The following ADAMTS6 variants were observed in gnomAD, a reference collection of about 807,000 sequenced individuals.
The protein encoded by ADAMTS6 is A disintegrin and metalloproteinase with thrombospondin motifs 6.
A neutral mutation model predicts 144.3 loss-of-function variants in ADAMTS6; 23 were observed. That is an observed-to-expected ratio of 0.16 (90% confidence interval 0.11 to 0.23). The LOEUF is 0.23. Among genes scored for constraint, ADAMTS6 ranks in the 10% least tolerant of loss-of-function variants. The pLI, the probability that ADAMTS6 is intolerant of heterozygous loss-of-function variation, is 1.00. For missense variants in ADAMTS6, 999 were observed against 1,379.6 expected, an observed-to-expected ratio of 0.72 and a Z score of 4.37; for synonymous variants, 444 against 457.5, an observed-to-expected ratio of 0.97 and a Z score of 0.38.
intron 5 of ADAMTS6, 128 bp downstream of exon 5, chr5:65,452,579 A>G: frequency 2.1e-6 from 2 of 931,210 alleles, no homozygotes; most frequent in Non-Finnish European, 3.1e-6. Context: ...AAACATTACT[A>G]GACCAATTTT....
chr5:65,339,772 C>T (rs1388809390), intron 7 of ADAMTS6, among the ~76,000 whole-genome samples: 1 of 151,068 alleles, frequency 6.6e-6, no homozygotes, highest in East Asian at 1.9e-4. Flanking sequence ...AACTTCCAAA[C>T]AGAAAGACAA....
At chr5:65,191,879 A>G (rs1353427320) in intron 21 of ADAMTS6, among the ~76,000 whole-genome samples, 5 of 152,166 alleles carry the variant, frequency 3.3e-5, no homozygotes, top group Non-Finnish European at 5.9e-5. Context: ...AATTAGATGT[A>G]TCAAAGTGCC....
chr5:65,428,168 G>C (rs1031300921), intron 7 of ADAMTS6, among the ~76,000 whole-genome samples: 1 of 147,252 alleles, frequency 6.8e-6, no homozygotes, highest in Non-Finnish European at 1.5e-5. Flanking sequence ...AGCAGTTGCT[G>C]TGAGCCAAGA....
At chr5:65,355,702 T>G (rs779865602) in intron 7 of ADAMTS6, among the ~76,000 whole-genome samples, 10 of 151,870 alleles carry the variant, frequency 6.6e-5, no homozygotes, top group Admixed American at 3.3e-4. Flanking sequence ...AAGCATCTTA[T>G]CTAAAGCATG....
At chr5:65,304,794 A>G (rs1051878686) in intron 9 of ADAMTS6, among the ~76,000 whole-genome samples, 31 of 152,288 alleles carry the variant, frequency 2.0e-4, no homozygotes, top group African/African-American at 7.2e-4. Flanking sequence ...CTTTAGCACT[A>G]CACCACATAA....
chr5:65,275,387 G>C (rs974719450), intron 11 of ADAMTS6, among the ~76,000 whole-genome samples: 93 of 132,878 alleles, frequency 7.0e-4, no homozygotes, highest in African/African-American at 2.5e-3. Context: ...AAGAAAGAAA[G>C]AAAGAAAGAA....
At chr5:65,168,243 GACAA>G (rs1753332778) in intron 24 of ADAMTS6, among the ~76,000 whole-genome samples, 1 of 149,742 alleles carries the variant, frequency 6.7e-6, no homozygotes, top group Non-Finnish European at 1.5e-5. Flanking sequence ...ACCAACAACA[GACAA>G]ACAGAGAGCC....
At chr5:65,336,369 G>A (rs943052594) in intron 7 of ADAMTS6, among the ~76,000 whole-genome samples, 1 of 152,038 alleles carries the variant, frequency 6.6e-6, no homozygotes, top group Non-Finnish European at 1.5e-5. Flanking sequence ...TTAAAAATGT[G>A]TTTTTCATTG....
intron 3 of ADAMTS6, among the ~76,000 whole-genome samples, chr5:65,470,443 A>G (rs1302631281): frequency 1.3e-5 from 2 of 152,150 alleles, no homozygotes; most frequent in African/African-American, 2.4e-5. Context: ...ACATACAAAC[A>G]TACCCTAAAA....
chr5:65,309,360 C>T (rs879562673), intron 9 of ADAMTS6, among the ~76,000 whole-genome samples: 18 of 150,966 alleles, frequency 1.2e-4, no homozygotes, highest in East Asian at 3.9e-4. Flanking sequence ...TAAGAACCCT[C>T]GCATAAGAAG....
intron 1 of ADAMTS6, among the ~76,000 whole-genome samples, chr5:65,478,647 T>C (rs1293113019): frequency 2.0e-5 from 3 of 150,960 alleles, no homozygotes. Context: ...TGTTCCTCTT[T>C]CCCTCAAAAA....
intron 9 of ADAMTS6, among the ~76,000 whole-genome samples, chr5:65,323,601 A>C: frequency 6.6e-6 from 1 of 152,176 alleles, no homozygotes; most frequent in African/African-American, 2.4e-5. Flanking sequence ...TCTTTATAGC[A>C]GCATGATTTA....
At chr5:65,267,515 A>G (rs909563705) in intron 12 of ADAMTS6, among the ~76,000 whole-genome samples, 3 of 152,162 alleles carry the variant, frequency 2.0e-5, no homozygotes, top group Non-Finnish European at 4.4e-5. Flanking sequence ...GGTATATTCC[A>G]GTCAGGCTTT....
chr5:65,318,767 C>T (rs1046348618), intron 9 of ADAMTS6, among the ~76,000 whole-genome samples: 1 of 152,042 alleles, frequency 6.6e-6, no homozygotes, highest in African/African-American at 2.4e-5. Flanking sequence ...TGCGGGTAGG[C>T]TGGTTAATAG....
intron 7 of ADAMTS6, among the ~76,000 whole-genome samples, chr5:65,442,864 G>A (rs868652853): frequency 1.3e-5 from 2 of 151,962 alleles, no homozygotes; most frequent in African/African-American, 2.4e-5. Context: ...AGTGTGTGTT[G>A]TTCCCCTCCC....
intron 7 of ADAMTS6, among the ~76,000 whole-genome samples, chr5:65,403,967 A>G (rs1754189034): frequency 6.6e-6 from 1 of 152,100 alleles, no homozygotes; most frequent in African/African-American, 2.4e-5. Flanking sequence ...ATACAAATGA[A>G]TAACTTCATG....
chr5:65,467,052 A>AT (rs397935632), intron 3 of ADAMTS6, among the ~76,000 whole-genome samples: 1 of 151,728 alleles, frequency 6.6e-6, no homozygotes, highest in African/African-American at 2.4e-5. Flanking sequence ...AAAAAAAAAA[A>AT]GGACAGAATG....
At position 65,155,214 on chromosome 5, in the gene ADAMTS6, A is replaced by G. The variant is rs1201084227; in HGVS notation, c.3245-3269T>C. On this transcript the variant is annotated intron_variant, in intron 24 of 24. Coordinates refer to ENST00000381055, the MANE Select transcript of ADAMTS6 (RefSeq NM_197941.4). ...ATTTATCAAGCATATCATTTGTGTAAGGCACAACATAAACATATATTATAT... is the reference window on the plus strand; with the variant it reads ...ATTTATCAAGCATATCATTTGTGTAGGGCACAACATAAACATATATTATAT... Among the ~76,000 whole-genome samples, 9 of 152,326 alleles carry G rather than the reference A, an allele frequency of 5.9e-5. No individual in the cohort carries two copies. The South Asian group carries it at 1.9e-3, about 32-fold the overall frequency.
At chr5:65,163,754 G>A (rs1424439352) in intron 24 of ADAMTS6, among the ~76,000 whole-genome samples, 3 of 152,092 alleles carry the variant, frequency 2.0e-5, no homozygotes, top group African/African-American at 4.8e-5. Flanking sequence ...TTGTTCATGT[G>A]CATATATTTG....
Sources: gnomAD v4.1 joint callset for allele counts (sites outside exome capture counted in the v4.1 genomes callset) on GRCh38, gnomAD v4.1.1 for gene constraint, MANE v1.5 for transcripts, NCBI Gene and HGNC (gene_info 2026-07-23, HGNC 2026-07-21) for gene names.